Variants in NUTM2B observed in about 807,000 individuals in gnomAD.
NUTM2B encodes the protein family with sequence similarity 22, member B.
In NUTM2B, 2 loss-of-function variants were observed where a neutral mutation model predicts 42.4. That is an observed-to-expected ratio of 0.05 (90% CI 0.02 to 0.15). The LOEUF is 0.15. Among genes scored for constraint, NUTM2B ranks in the 10% least tolerant of loss-of-function variants. NUTM2B has a pLI of 1.00. For missense variants in NUTM2B, 58 were observed against 952.6 expected (o/e 0.06, Z 12.36); for synonymous variants, 18 against 402.4 (o/e 0.04, Z 11.43).
chr10:79,694,892 G>C, the NUTM2B span, among the ~76,000 whole-genome samples: 5 of 151,992 alleles, frequency 3.3e-5, no homozygotes, highest in Admixed American at 3.3e-4. Context: ...TTAGCACCAG[G>C]CCTGGCTGTA....
At chr10:79,711,216 C>G (rs1210413025) in intron 5 of NUTM2B, 34 bp from the exon 6 acceptor site, 2 of 1,591,074 alleles carry the variant, frequency 1.3e-6, no homozygotes, top group African/African-American at 2.8e-5. Flanking sequence ...ACTCCCTGCC[C>G]AGGAAGCTCA....
upstream of NUTM2B, among the ~76,000 whole-genome samples, chr10:79,701,172 G>A (rs1421731185): frequency 6.6e-6 from 1 of 152,052 alleles, no homozygotes; most frequent in Non-Finnish European, 1.5e-5. Context: ...ACTCAGTCTG[G>A]AGGTTCCATT....
At chr10:79,699,373 T>C (rs1338983260), upstream of NUTM2B, among the ~76,000 whole-genome samples, 2 of 151,950 alleles carry the variant, frequency 1.3e-5, no homozygotes, top group Non-Finnish European at 2.9e-5. Context: ...CTGGTATACA[T>C]ATCTTACATC....
the NUTM2B span, among the ~76,000 whole-genome samples, chr10:79,696,845 C>A: frequency 0.011 from 1,733 of 151,490 alleles, 10 homozygotes; most frequent in Middle Eastern, 0.021. Flanking sequence ...CTTCCCACCC[C>A]TTCATGAATA....
At chr10:79,702,518 T>C (rs1840329861), upstream of NUTM2B, among the ~76,000 whole-genome samples, 1 of 151,700 alleles carries the variant, frequency 6.6e-6, no homozygotes, top group Non-Finnish European at 1.5e-5. Context: ...GTGTGGCCGC[T>C]GTTACATTTT....
At chr10:79,696,011 G>A in the NUTM2B span, among the ~76,000 whole-genome samples, 4 of 147,816 alleles carry the variant, frequency 2.7e-5, no homozygotes, top group African/African-American at 9.9e-5. Context: ...GAATGACCAG[G>A]GAGGGTCTTT....
chr10:79,707,184 C>T lies in NUTM2B; in HGVS notation c.1082+443C>T, dbSNP rs553352768. 1.2e-4 allele frequency among the ~76,000 whole-genome samples: 16 copies of T among 132,976 alleles called. No individual in the cohort carries two copies. In the East Asian group the frequency reaches 3.7e-3, roughly 31 times the overall value. 87.2% of individuals were successfully genotyped at this position (132,976 alleles called of 152,430 possible). ...GGAACCTGGCACATGCCTGCAGTTC[C>T]GCTGAGGTCCAGTTAGCACAGCGGT... On this transcript the variant is annotated intron_variant, in intron 2 of 6. Transcript: ENST00000429828.
At chr10:79,694,252 C>T in the NUTM2B span, among the ~76,000 whole-genome samples, 18,597 of 151,972 alleles carry the variant, frequency 0.12, 1,257 homozygotes, top group East Asian at 0.25. Context: ...ACAAAATTAG[C>T]TGGGCTTGGT....
At chr10:79,698,020 G>C in the NUTM2B span, among the ~76,000 whole-genome samples, 1 of 150,882 alleles carries the variant, frequency 6.6e-6, no homozygotes, top group Non-Finnish European at 1.5e-5. Flanking sequence ...ACATACAAGT[G>C]GCAACACCAA....
upstream of NUTM2B, among the ~76,000 whole-genome samples, chr10:79,700,251 C>T (rs867570971): frequency 0.01 from 1,430 of 139,704 alleles, 7 homozygotes; most frequent in African/African-American, 0.031. Flanking sequence ...AGTCAACAAG[C>T]TTCACAACTT....
chr10:79,699,444 TC>T, upstream of NUTM2B, among the ~76,000 whole-genome samples: 1 of 152,110 alleles, frequency 6.6e-6, no homozygotes, highest in East Asian at 1.9e-4. Context: ...GTTATGACCT[TC>T]TTTTTTAGGG....
upstream of NUTM2B, among the ~76,000 whole-genome samples, chr10:79,701,067 A>G (rs1212791855): frequency 2.0e-5 from 3 of 152,278 alleles, no homozygotes; most frequent in East Asian, 5.8e-4. Flanking sequence ...TCCTAAAGCA[A>G]AGTATCCTCA....
At chr10:79,697,611 C>T in the NUTM2B span, among the ~76,000 whole-genome samples, 1 of 152,094 alleles carries the variant, frequency 6.6e-6, no homozygotes. Context: ...AAGGCTGGGA[C>T]TCCTTGATTT....
At chr10:79,693,697 A>G in the NUTM2B span, among the ~76,000 whole-genome samples, 1 of 152,212 alleles carries the variant, frequency 6.6e-6, no homozygotes, top group Non-Finnish European at 1.5e-5. Context: ...CCTGGTATAC[A>G]TTACAGTGCA....
In NUTM2B at chr10:79,704,932, CTTA is replaced by C. The variant is rs1157001736; in HGVS notation, c.382+953_382+955del. ...AGCGCACGAATAGGAAGATGGTTCTCTTATTATTATTATTCAAGTTAGGATATG... is the reference window on the plus strand; with the variant it reads ...AGCGCACGAATAGGAAGATGGTTCTCTTATTATTATTCAAGTTAGGATATG... On this transcript the variant is annotated intron_variant, in intron 1 of 6. Transcript: ENST00000429828. 2.1e-3 allele frequency among the ~76,000 whole-genome samples: 310 copies of C among 149,852 alleles called. 7 individuals are homozygous for C. The highest frequency in any genetic ancestry group is 7.2e-3 in the African/African-American group (287 of 39,832).
the NUTM2B span, among the ~76,000 whole-genome samples, chr10:79,695,582 C>T: frequency 6.6e-6 from 1 of 152,168 alleles, no homozygotes. Flanking sequence ...ACAGTATCCC[C>T]ACCCAGGAGG....
upstream of NUTM2B, among the ~76,000 whole-genome samples, chr10:79,698,908 C>A (rs957601401): frequency 2.6e-5 from 4 of 152,166 alleles, no homozygotes; most frequent in Non-Finnish European, 5.9e-5. Flanking sequence ...CCCAAATACA[C>A]ATACAGTTCC....
the NUTM2B span, among the ~76,000 whole-genome samples, chr10:79,697,736 C>CAAA: frequency 7.8e-6 from 1 of 128,744 alleles, no homozygotes; most frequent in Non-Finnish European, 1.6e-5. Flanking sequence ...GGCATAGGCT[C>CAAA]AAAAAAAAAA....
At chr10:79,700,768 C>G (rs553865142), upstream of NUTM2B, among the ~76,000 whole-genome samples, 3 of 152,334 alleles carry the variant, frequency 2.0e-5, no homozygotes, top group East Asian at 3.9e-4. Context: ...CGGTTGAGGG[C>G]GGCCGGCCTC....
Sources: gnomAD v4.1 joint callset for allele counts (sites outside exome capture counted in the v4.1 genomes callset) on GRCh38, gnomAD v4.1.1 for gene constraint, MANE v1.5 for transcripts, NCBI Gene and HGNC (gene_info 2026-07-23, HGNC 2026-07-21) for gene names.